PODXL2: variants seen among roughly 807,000 people sequenced by gnomAD.
PODXL2 encodes podocalyxin like 2.
A neutral mutation model predicts 53.4 loss-of-function variants in PODXL2; 17 were observed. The observed-to-expected ratio is 0.32, with a 90% CI of 0.22 to 0.48. The LOEUF (loss-of-function observed/expected upper bound fraction) is 0.48. PODXL2 is among the 20% of genes least tolerant of loss of function. PODXL2 has a pLI of 0.99. For synonymous variants in PODXL2, 311 were observed against 306.7 expected (o/e 1.01, Z -0.15); for missense variants, 673 against 760.0 (o/e 0.89, Z 1.35).
intron 1 of PODXL2, among the ~76,000 whole-genome samples, chr3:127,638,693 C>A (rs192355821): frequency 5.9e-5 from 9 of 151,610 alleles, no homozygotes; most frequent in Admixed American, 5.9e-4. Flanking sequence ...CCAGCCTGGG[C>A]GACAGAGCAA....
intron 2 of PODXL2, 40 bp from the exon 3 acceptor site, chr3:127,660,338 T>C: frequency 6.3e-7 from 1 of 1,592,534 alleles, no homozygotes; most frequent in South Asian, 1.1e-5. Context: ...AAGCAATGAA[T>C]GATGAAACAA....
chr3:127,641,400 G>C (rs188147162), intron 2 of PODXL2, among the ~76,000 whole-genome samples: 2 of 151,068 alleles, frequency 1.3e-5, no homozygotes, highest in African/African-American at 4.9e-5. Context: ...GTAGTGATGG[G>C]GTCTTGCTAT....
intron 4 of PODXL2, among the ~76,000 whole-genome samples, chr3:127,664,820 C>T (rs2074786693): frequency 6.6e-6 from 1 of 152,038 alleles, no homozygotes; most frequent in South Asian, 2.1e-4. Context: ...TTTGCATTTT[C>T]CCTGATGATT....
In PODXL2 at chr3:127,671,582, G is replaced by A. The variant is rs2074839586; in HGVS notation, c.1574G>A (p.Trp525Ter). The A allele has an allele frequency of 1.2e-6, 2 of 1,613,912 alleles. No individual in the cohort carries two copies. Among genetic ancestry groups the A allele is most frequent in the Non-Finnish European group, 8.5e-7 (1 of 1,180,006 alleles). ...IIALGLLYNC[W>*]QRRLPKLKHV... Reference sequence around the variant, plus strand: ...GCGCTTGGCCTGCTCTACAACTGCTGGCAGCGCCGGCTGCCCAAGCTCAAG... The same window carrying A: ...GCGCTTGGCCTGCTCTACAACTGCTAGCAGCGCCGGCTGCCCAAGCTCAAG... The change falls in exon 7 of 8, where the codon TGG becomes TAG. Residue 525 changes from tryptophan (W) to a stop codon, truncating the protein, a stop_gained. Transcript: ENST00000342480. LOFTEE classifies it high-confidence loss of function.
chr3:127,662,128 A>G lies in PODXL2; in HGVS notation c.1132-109A>G, dbSNP rs535680409. The stretch of plus-strand genomic sequence containing the variant: ...AGCCCCCTCGCTGTAATACGCCTCC[A>G]CTGGCCTCCACCTTCCAGCTTCCCA... On this transcript the variant is annotated intron_variant, in intron 3 of 7. Transcript: ENST00000342480. The G allele has an allele frequency of 1.4e-3, 1,213 of 851,840 alleles. 5 individuals carry two copies. The highest frequency in any genetic ancestry group is 2.2e-3 in the Middle Eastern group (8 of 3,618). The allele number at this position is 851,840 out of a possible 1,614,324, so 52.8% of individuals were successfully genotyped here.
chr3:127,648,873 ATC>A (rs1444593029), intron 2 of PODXL2, among the ~76,000 whole-genome samples: 1 of 148,820 alleles, frequency 6.7e-6, no homozygotes, highest in African/African-American at 2.5e-5. Context: ...GCTCACTGCA[ATC>A]TCTGTCTCCC....
intron 6 of PODXL2, 70 bp from the exon 7 acceptor site, chr3:127,671,364 T>A: frequency 1.4e-6 from 2 of 1,430,876 alleles, no homozygotes; most frequent in African/African-American, 1.4e-5. Flanking sequence ...CCGAGCCCAA[T>A]GCAACCACCC....
intron 1 of PODXL2, among the ~76,000 whole-genome samples, chr3:127,631,282 A>G (rs1002875792): frequency 1.3e-5 from 2 of 152,198 alleles, no homozygotes; most frequent in South Asian, 2.1e-4. Flanking sequence ...CTGGACTTCA[A>G]AGACCCTGCT....
In PODXL2 at chr3:127,668,580, C is replaced by A; in HGVS notation, c.1346C>A (p.Thr449Lys). Residue 449 changes from threonine (T) to lysine (K), a missense_variant, in exon 5 of 8, where the codon ACA (threonine) becomes AAA (lysine). By Grantham distance (78) the Thr-to-Lys change is moderately conservative. This residue lies in a region of PODXL2 where 588 missense variants were observed against 668.3 expected (regional missense o/e 0.88). Transcript: ENST00000342480. ...PSEKEQHLLM[T>K]LVGEQGVVPT... ...GAGAAGGAGCAGCACCTTCTCATGA[C>A]ACTGGTGGGCGAGCAGGGTGAGCGA... 1 of 1,545,832 alleles carries A rather than the reference C, an allele frequency of 6.5e-7. No homozygotes were observed.
At chr3:127,638,233 T>C (rs1033041399) in intron 1 of PODXL2, among the ~76,000 whole-genome samples, 2 of 152,248 alleles carry the variant, frequency 1.3e-5, no homozygotes, top group Non-Finnish European at 2.9e-5. Context: ...AATAGGGCTA[T>C]ATTCCTGTCC....
At position 127,629,466 on chromosome 3, in the gene PODXL2, G is replaced by C. The variant is rs970392795; in HGVS notation, c.70+177G>C. ...GCGCACGAGGAGTGGGTGCGTGGGG[G>C]CCGCGGCGGGCGCCTGGCGTGCCGG... On this transcript the variant is annotated intron_variant, in intron 1 of 7. Transcript: ENST00000342480. The surrounding 1 kb of genome is among the most constrained non-coding windows in gnomAD (Gnocchi z 6.4). Among the ~76,000 whole-genome samples, 5 of 150,170 alleles carry C rather than the reference G, an allele frequency of 3.3e-5. No individual in the cohort carries two copies. The highest frequency in any genetic ancestry group is 1.2e-4 in the African/African-American group (5 of 41,272).
intron 2 of PODXL2, among the ~76,000 whole-genome samples, chr3:127,652,282 T>C (rs1392859737): frequency 6.6e-6 from 1 of 152,134 alleles, no homozygotes; most frequent in African/African-American, 2.4e-5. Context: ...AATCCCTGAG[T>C]CTGGGATTTG....
At chr3:127,655,245 A>C (rs774454654) in intron 2 of PODXL2, among the ~76,000 whole-genome samples, 2 of 152,016 alleles carry the variant, frequency 1.3e-5, no homozygotes, top group Non-Finnish European at 2.9e-5. Flanking sequence ...ATGCCCAGCC[A>C]TAATACAAAA....
At chr3:127,632,799 A>G (rs1265822011) in intron 1 of PODXL2, among the ~76,000 whole-genome samples, 1 of 152,232 alleles carries the variant, frequency 6.6e-6, no homozygotes, top group Non-Finnish European at 1.5e-5. Context: ...TTGCACCTCC[A>G]GGAAGGGCCT....
Position 127,645,254 on chromosome 3 carries a change from C to T in PODXL2, c.349+5731C>T, listed in dbSNP as rs371564792. On this transcript the variant is annotated intron_variant, in intron 2 of 7. Transcript: ENST00000342480. ...GGAAGTAGGGTGCTTTGCCCAAGGA[C>T]ACATTGCTTGGATGTAATGGAGCTG... 8.5e-5 allele frequency among the ~76,000 whole-genome samples: 13 copies of T among 152,292 alleles called. No homozygotes were observed. The East Asian group carries it at 2.3e-3, about 27-fold the overall frequency.
In PODXL2 at chr3:127,629,266, CGCT is replaced by C; in HGVS notation, c.54_56del (p.Leu21del). On this transcript the variant is annotated inframe_deletion, in exon 1 of 8. Transcript: ENST00000342480. This position sits in a 1 kb window ranked among gnomAD's most constrained non-coding sequence, Gnocchi z 6.4. ...GCCCGGCTGCCGCCGCTGCTTTCGCCGCTGCTGCTTCTGCTGGTTGGGGGTGAG... is the reference window on the plus strand; with the variant it reads ...GCCCGGCTGCCGCCGCTGCTTTCGCCGCTGCTTCTGCTGGTTGGGGGTGAG... 9.9e-7 allele frequency: 1 copy of C among 1,014,892 alleles called. No individual in the cohort carries two copies. Among genetic ancestry groups the C allele is most frequent in the Non-Finnish European group, 1.2e-6 (1 of 849,342 alleles). The allele number at this position is 1,014,892 out of a possible 1,614,324, so 62.9% of individuals were successfully genotyped here.
At chr3:127,633,602 A>G (rs568489466) in intron 1 of PODXL2, among the ~76,000 whole-genome samples, 6 of 152,274 alleles carry the variant, frequency 3.9e-5, no homozygotes, top group African/African-American at 1.4e-4. Flanking sequence ...GGGTTGGATT[A>G]GACTACTAAT....
chr3:127,671,624 G>A lies in PODXL2; in HGVS notation c.1605+11G>A, dbSNP rs2074840366. 6.2e-7 allele frequency: 1 copy of A among 1,610,848 alleles called. No individual in the cohort carries two copies. Among genetic ancestry groups the A allele is most frequent in the Non-Finnish European group, 8.5e-7 (1 of 1,179,202 alleles). Reference sequence around the variant, plus strand: ...AAGCTCAAGCACGTGGTGAGTGTGGGGACAGGTGGGGCTGGGGGCCAGTTG... The same window carrying A: ...AAGCTCAAGCACGTGGTGAGTGTGGAGACAGGTGGGGCTGGGGGCCAGTTG... On this transcript the variant is annotated intron_variant, in intron 7 of 7. Transcript: ENST00000342480.
intron 2 of PODXL2, among the ~76,000 whole-genome samples, chr3:127,658,345 C>T (rs898559422): frequency 6.7e-6 from 1 of 149,954 alleles, no homozygotes; most frequent in Non-Finnish European, 1.5e-5. Context: ...GCTTACTGCA[C>T]AGTTTCCATC....
Sources: gnomAD v4.1 joint callset for allele counts (sites outside exome capture counted in the v4.1 genomes callset) on GRCh38, gnomAD v4.1.1 for gene constraint, gnomAD v4.1.1 regional missense constraint, Gnocchi (gnomAD v3.1) non-coding constraint, MANE v1.5 for transcripts, NCBI Gene and HGNC (gene_info 2026-07-23, HGNC 2026-07-21) for gene names.